Variants in LRRC37A2 observed in about 807,000 individuals in gnomAD.
LRRC37A2 encodes leucine-rich repeat-containing protein 37A2.
A neutral mutation model predicts 68.8 loss-of-function variants in LRRC37A2; 9 were observed. The ratio of observed to expected loss-of-function variants is 0.13; its 90% CI spans 0.08 to 0.23. The LOEUF (loss-of-function observed/expected upper bound fraction) is 0.23. LRRC37A2 is among the 10% of genes least tolerant of loss of function. The pLI is 1.00. For missense variants in LRRC37A2, 168 were observed against 950.4 expected, an observed-to-expected ratio of 0.18 and a Z score of 10.82; for synonymous variants, 63 against 367.6, an observed-to-expected ratio of 0.17 and a Z score of 9.48.
At chr17:46,871,304 A>G in the LRRC37A2 span, among the ~76,000 whole-genome samples, 1 of 152,104 alleles carries the variant, frequency 6.6e-6, no homozygotes, top group Non-Finnish European at 1.5e-5. Flanking sequence ...TTCCACCCAC[A>G]CTGGGGGCAC....
the LRRC37A2 span, among the ~76,000 whole-genome samples, chr17:46,873,160 A>G: frequency 6.6e-6 from 1 of 151,480 alleles, no homozygotes; most frequent in African/African-American, 2.4e-5. Context: ...AGACGTGAGG[A>G]TGGGCGGCAG....
the LRRC37A2 span, among the ~76,000 whole-genome samples, chr17:46,491,663 T>A: frequency 1.4e-5 from 2 of 141,520 alleles, no homozygotes; most frequent in Non-Finnish European, 3.0e-5. Context: ...AATGGAACTG[T>A]TGCAGATATT....
chr17:46,836,339 T>G, the LRRC37A2 span, among the ~76,000 whole-genome samples: 1 of 152,188 alleles, frequency 6.6e-6, no homozygotes, highest in African/African-American at 2.4e-5. Context: ...TTTTTGAACT[T>G]CATTCATGAA....
chr17:46,902,157 T>A, the LRRC37A2 span, among the ~76,000 whole-genome samples: 1 of 152,132 alleles, frequency 6.6e-6, no homozygotes, highest in Non-Finnish European at 1.5e-5. Context: ...GTTGACCCAA[T>A]GAGGTGAGCA....
chr17:46,834,289 G>A, the LRRC37A2 span, among the ~76,000 whole-genome samples: 2 of 152,220 alleles, frequency 1.3e-5, no homozygotes, highest in Non-Finnish European at 2.9e-5. Flanking sequence ...TCAGGGGGAA[G>A]TGGTGTCCTG....
chr17:46,717,735 C>T, the LRRC37A2 span, among the ~76,000 whole-genome samples: 9 of 151,976 alleles, frequency 5.9e-5, no homozygotes, highest in African/African-American at 2.2e-4. Context: ...AATAATGTGT[C>T]GTTCGGGGAG....
At chr17:46,932,046 C>A in the LRRC37A2 span, 1 of 1,609,596 alleles carries the variant, frequency 6.2e-7, no homozygotes, top group South Asian at 1.1e-5. Context: ...GGAATTTAAT[C>A]TCTCTCTCCA....
At chr17:46,865,542 T>C in the LRRC37A2 span, among the ~76,000 whole-genome samples, 2 of 151,514 alleles carry the variant, frequency 1.3e-5, no homozygotes, top group Non-Finnish European at 2.9e-5. Flanking sequence ...GGAGTAGGGG[T>C]TGGGGAGCCA....
the LRRC37A2 span, among the ~76,000 whole-genome samples, chr17:47,003,360 G>C: frequency 2.9e-3 from 441 of 151,942 alleles, no homozygotes; most frequent in Non-Finnish European, 4.7e-3. Context: ...TGCGAGTACA[G>C]CCAGGCAGAG....
chr17:46,781,362 G>A, the LRRC37A2 span, among the ~76,000 whole-genome samples: 127,370 of 151,540 alleles, frequency 0.84, 53,833 homozygotes, highest in East Asian at 1. Flanking sequence ...ACTTACATGA[G>A]GTTCTAGGTA....
At chr17:47,013,090 A>G in the LRRC37A2 span, among the ~76,000 whole-genome samples, 3 of 152,238 alleles carry the variant, frequency 2.0e-5, no homozygotes, top group African/African-American at 7.2e-5. Flanking sequence ...ATTAAGTGAA[A>G]GAAGCCAGAT....
chr17:46,505,094 CA>C, the LRRC37A2 span, among the ~76,000 whole-genome samples: 1 of 86,602 alleles, frequency 1.2e-5, no homozygotes, highest in African/African-American at 7.0e-5. Flanking sequence ...CCACCACACC[CA>C]GCTAATTTTT....
chr17:46,811,621 G>T, the LRRC37A2 span, among the ~76,000 whole-genome samples: 7 of 152,194 alleles, frequency 4.6e-5, no homozygotes, highest in Admixed American at 4.6e-4. Flanking sequence ...CAGCAGGACA[G>T]GGTGCCCGAA....
At chr17:46,769,985 C>T in the LRRC37A2 span, 1 of 1,607,014 alleles carries the variant, frequency 6.2e-7, no homozygotes, top group Non-Finnish European at 8.5e-7. Context: ...GGCGCAGGAG[C>T]GGGTGACGGC....
At chr17:46,497,003 G>T in the LRRC37A2 span, among the ~76,000 whole-genome samples, 1 of 136,688 alleles carries the variant, frequency 7.3e-6, no homozygotes, top group Non-Finnish European at 1.6e-5. Flanking sequence ...GTGTTAAAAT[G>T]ACATATCTTT....
the LRRC37A2 span, among the ~76,000 whole-genome samples, chr17:46,797,527 G>A: frequency 6.6e-6 from 1 of 152,234 alleles, no homozygotes; most frequent in African/African-American, 2.4e-5. Context: ...TGGGCCATGG[G>A]AAAAACAATC....
the LRRC37A2 span, among the ~76,000 whole-genome samples, chr17:46,760,651 GA>G: frequency 4.3e-5 from 6 of 137,974 alleles, no homozygotes; most frequent in African/African-American, 5.3e-5. Context: ...AAAAAAAAAA[GA>G]AAAAAAAAGG....
At chr17:46,927,302 G>C in the LRRC37A2 span, among the ~76,000 whole-genome samples, 12 of 152,146 alleles carry the variant, frequency 7.9e-5, no homozygotes, top group Non-Finnish European at 1.6e-4. Context: ...ATCTGCTGCA[G>C]ATACCCTCCA....
chr17:46,923,323 A>C, the LRRC37A2 span: 1 of 1,539,192 alleles, frequency 6.5e-7, no homozygotes, highest in South Asian at 1.2e-5. Flanking sequence ...GTAGAGGCCG[A>C]GTTTTTCCGC....
Sources: allele counts gnomAD v4.1 joint callset (sites outside exome capture counted in the v4.1 genomes callset), GRCh38; gene constraint gnomAD v4.1.1; transcripts MANE v1.5; gene names NCBI Gene and HGNC (gene_info 2026-07-23, HGNC 2026-07-21).